MPPED1: variants seen among roughly 807,000 people sequenced by gnomAD.
The protein encoded by MPPED1 is metallophosphoesterase domain-containing protein 1.
In MPPED1, 16 loss-of-function variants were observed where a neutral mutation model predicts 36.2. That is an observed-to-expected ratio of 0.44 (90% CI 0.30 to 0.67). The LOEUF is 0.67. MPPED1 is among the 30% of genes least tolerant of loss of function. The pLI is 0.10. For missense variants in MPPED1, 307 were observed against 453.4 expected (o/e 0.68, Z 2.93); for synonymous variants, 199 against 191.3 (o/e 1.04, Z -0.33).
intron 1 of MPPED1, among the ~76,000 whole-genome samples, chr22:43,420,349 T>A (rs1322487121): frequency 6.6e-6 from 1 of 152,052 alleles, no homozygotes; most frequent in African/African-American, 2.4e-5. Context: ...TCTGCCCAGG[T>A]TCTCATTCCC....
intron 3 of MPPED1, among the ~76,000 whole-genome samples, chr22:43,444,271 C>T (rs1440241795): frequency 7.6e-6 from 1 of 130,838 alleles, no homozygotes; most frequent in Non-Finnish European, 1.6e-5. Context: ...TGAAATGAGA[C>T]CCACTGGGGT....
chr22:43,484,200 G>C (rs1021121492), intron 4 of MPPED1, among the ~76,000 whole-genome samples: 1 of 152,198 alleles, frequency 6.6e-6, no homozygotes, highest in Admixed American at 6.5e-5. Context: ...GACTTTCCCC[G>C]CTGCTTCATA....
At chr22:43,467,014 C>T (rs1381142792) in intron 3 of MPPED1, among the ~76,000 whole-genome samples, 2 of 152,186 alleles carry the variant, frequency 1.3e-5, no homozygotes, top group Non-Finnish European at 2.9e-5. Context: ...AAAACAAATC[C>T]GTGCAGAAGT....
At chr22:43,450,871 C>G (rs113510425) in intron 3 of MPPED1, among the ~76,000 whole-genome samples, 3,204 of 152,188 alleles carry the variant, frequency 0.021, 110 homozygotes, top group East Asian at 0.13. Flanking sequence ...GGATTACAAG[C>G]ATGTGCCACC....
intron 3 of MPPED1, among the ~76,000 whole-genome samples, chr22:43,444,239 T>C (rs1334811887): frequency 1.3e-5 from 2 of 151,662 alleles, no homozygotes; most frequent in Non-Finnish European, 2.9e-5. Context: ...ATTATCTATT[T>C]ACAACAAAAT....
chr22:43,455,082 A>G (rs1463847076), intron 3 of MPPED1, among the ~76,000 whole-genome samples: 1 of 144,942 alleles, frequency 6.9e-6, no homozygotes, highest in African/African-American at 2.6e-5. Context: ...CTGTGTCCTC[A>G]TATGAGCTTC....
At chr22:43,488,444 G>A (rs1157066394) in intron 4 of MPPED1, among the ~76,000 whole-genome samples, 1 of 152,198 alleles carries the variant, frequency 6.6e-6, no homozygotes, top group Non-Finnish European at 1.5e-5. Context: ...CCCTGTTTGC[G>A]GCTGAGGAAC....
intron 3 of MPPED1, among the ~76,000 whole-genome samples, chr22:43,449,650 C>T (rs528256173): frequency 6.6e-6 from 1 of 152,266 alleles, no homozygotes; most frequent in South Asian, 2.1e-4. Context: ...GAGTTGGGTG[C>T]CGAGGGCCAC....
chr22:43,435,124 C>A lies in MPPED1; in HGVS notation c.315C>A (p.Ile105=), dbSNP rs943983805. 1.5e-5 allele frequency: 24 copies of A among 1,613,774 alleles called. No homozygotes were observed. The highest frequency in any genetic ancestry group is 9.3e-5 in the African/African-American group (7 of 74,938). The change falls in exon 3 of 7, where the codon ATC becomes ATA. Residue 105 remains isoleucine (I), a synonymous_variant. Coordinates refer to ENST00000443721, the MANE Select transcript of MPPED1 (RefSeq NM_001044370.2). ...VSDTHSRTDP[I]QMPYGDVLIH... ...ATACCCACTCGAGGACGGACCCCATCCAGATGCCGTACGGCGACGTGCTGA... is the reference window on the plus strand; with the variant it reads ...ATACCCACTCGAGGACGGACCCCATACAGATGCCGTACGGCGACGTGCTGA...
chr22:43,438,779 G>C (rs1419081815), intron 3 of MPPED1, among the ~76,000 whole-genome samples: 1 of 152,086 alleles, frequency 6.6e-6, no homozygotes, highest in Non-Finnish European at 1.5e-5. Flanking sequence ...AGAAGGGATG[G>C]GACAGCGCTG....
intron 4 of MPPED1, among the ~76,000 whole-genome samples, chr22:43,491,735 G>GGTGGTGATGGAGGTA (rs1932103519): frequency 6.6e-6 from 1 of 150,814 alleles, no homozygotes; most frequent in African/African-American, 2.4e-5. Context: ...TGATGCTGGT[G>GGTGGTGATGGAGGTA]GTGGTGATGG....
intron 3 of MPPED1, among the ~76,000 whole-genome samples, chr22:43,458,049 G>C (rs1176303508): frequency 6.6e-6 from 1 of 152,162 alleles, no homozygotes; most frequent in East Asian, 1.9e-4. Flanking sequence ...ATAACATGCT[G>C]TACAGGTTTG....
At chr22:43,500,307 GTGA>G (rs1932668406) in intron 5 of MPPED1, among the ~76,000 whole-genome samples, 2 of 142,374 alleles carry the variant, frequency 1.4e-5, no homozygotes, top group Non-Finnish European at 3.1e-5. Flanking sequence ...GGTGGTGATG[GTGA>G]TGGAGGTGGT....
At chr22:43,500,402 A>ATGGCGATGGAG (rs1410482787) in intron 5 of MPPED1, among the ~76,000 whole-genome samples, 9 of 27,918 alleles carry the variant, frequency 3.2e-4, no homozygotes, top group Admixed American at 2.0e-3. Flanking sequence ...TGGAGGTGGT[A>ATGGCGATGGAG]GTGGTGGTGA....
At position 43,481,168 on chromosome 22, in the gene MPPED1, T is replaced by A. The variant is rs137885023; in HGVS notation, c.632+6207T>A. ...AGAACTTTTGCTGTTTTGCCTCTTA[T>A]GTTCAGGTGTTGGATCCACTGGAAA... On this transcript the variant is annotated intron_variant, in intron 4 of 6. Coordinates refer to ENST00000443721, the MANE Select transcript of MPPED1 (RefSeq NM_001044370.2). Among the ~76,000 whole-genome samples, 20 of 152,358 alleles carry A rather than the reference T, an allele frequency of 1.3e-4. No individual in the cohort carries two copies. The East Asian group carries it at 3.7e-3, about 28-fold the overall frequency.
chr22:43,460,257 A>G (rs1243111673), intron 3 of MPPED1, among the ~76,000 whole-genome samples: 1 of 124,586 alleles, frequency 8.0e-6, no homozygotes, highest in Admixed American at 8.2e-5. Context: ...ACAAAAACAA[A>G]CCCAAACCCC....
At chr22:43,449,093 T>G (rs1930465925) in intron 3 of MPPED1, among the ~76,000 whole-genome samples, 2 of 152,202 alleles carry the variant, frequency 1.3e-5, no homozygotes, top group East Asian at 3.8e-4. Context: ...CTGTGTCAGC[T>G]GCTGATGGGA....
intron 3 of MPPED1, among the ~76,000 whole-genome samples, chr22:43,464,640 C>G (rs1302571175): frequency 6.6e-6 from 1 of 152,072 alleles, no homozygotes; most frequent in Non-Finnish European, 1.5e-5. Flanking sequence ...GGGAGGGGCC[C>G]GGGTCCCACC....
intron 4 of MPPED1, among the ~76,000 whole-genome samples, chr22:43,494,638 T>G (rs1932198018): frequency 7.0e-6 from 1 of 142,996 alleles, no homozygotes; most frequent in Non-Finnish European, 1.5e-5. Flanking sequence ...TAAGGTCATA[T>G]TCACAGGTCC....
Sources: allele counts gnomAD v4.1 joint callset (sites outside exome capture counted in the v4.1 genomes callset), GRCh38; gene constraint gnomAD v4.1.1; transcripts MANE v1.5; gene names NCBI Gene and HGNC (gene_info 2026-07-23, HGNC 2026-07-21).